Variants in EPM2A observed in about 807,000 individuals in gnomAD.
EPM2A encodes the protein laforin.
Under a neutral mutation model 26.5 loss-of-function variants are expected in EPM2A, and 21 were observed. The observed-to-expected ratio is 0.79, with a 90% CI of 0.56 to 1.14. EPM2A has a LOEUF of 1.14. EPM2A is among the 50% of genes most tolerant of loss of function. The pLI, the probability that EPM2A is intolerant of heterozygous loss-of-function variation, is 0.00. For synonymous variants in EPM2A, 217 were observed against 177.6 expected, an observed-to-expected ratio of 1.22 and a Z score of -1.76; for missense variants, 458 against 440.8, an observed-to-expected ratio of 1.04 and a Z score of -0.35.
At chr6:145,685,825 T>C (rs1384503722) in intron 2 of EPM2A, among the ~76,000 whole-genome samples, 3 of 152,220 alleles carry the variant, frequency 2.0e-5, no homozygotes, top group Admixed American at 2.0e-4. Flanking sequence ...TCTATTTTAG[T>C]GTAGTTCTTA....
chr6:145,481,363 C>A (rs1038722912), intron 4 of EPM2A, among the ~76,000 whole-genome samples: 5 of 151,988 alleles, frequency 3.3e-5, no homozygotes, highest in Non-Finnish European at 5.9e-5. Flanking sequence ...ATTTATTCTG[C>A]CATACTGCCA....
chr6:145,517,492 AG>A (rs1489852802), intron 2 of EPM2A, among the ~76,000 whole-genome samples: 6 of 152,136 alleles, frequency 3.9e-5, no homozygotes, highest in African/African-American at 1.4e-4. Context: ...TTATAAACAG[AG>A]TTGCTCAGAT....
chr6:145,574,319 G>A (rs1040857908), intron 2 of EPM2A, among the ~76,000 whole-genome samples: 3 of 152,236 alleles, frequency 2.0e-5, no homozygotes, highest in African/African-American at 7.2e-5. Flanking sequence ...AGCTCTACAT[G>A]AGTCAGACTA....
At chr6:145,680,854 G>A (rs200463992) in intron 2 of EPM2A, among the ~76,000 whole-genome samples, 6 of 151,842 alleles carry the variant, frequency 4.0e-5, no homozygotes, top group Non-Finnish European at 8.8e-5. Flanking sequence ...ATAAACATAC[G>A]TGTGCATGTG....
At chr6:145,388,537 T>C (rs1778293602) in intron 4 of EPM2A, among the ~76,000 whole-genome samples, 1 of 152,186 alleles carries the variant, frequency 6.6e-6, no homozygotes, top group African/African-American at 2.4e-5. Flanking sequence ...TATTATACTT[T>C]AAGTTCTGGG....
intron 1 of EPM2A, among the ~76,000 whole-genome samples, chr6:145,704,239 G>T (rs1378181324): frequency 6.6e-6 from 1 of 152,122 alleles, no homozygotes; most frequent in Admixed American, 6.6e-5. Context: ...GAGAGAAAGG[G>T]AGTGCATGGG....
chr6:145,434,463 A>T (rs557338669), intron 4 of EPM2A, among the ~76,000 whole-genome samples: 1 of 152,124 alleles, frequency 6.6e-6, no homozygotes, highest in East Asian at 1.9e-4. Flanking sequence ...GGTTGTTTAA[A>T]AGTGTGTGGC....
At chr6:145,445,660 G>A (rs1232960821) in intron 4 of EPM2A, among the ~76,000 whole-genome samples, 1 of 152,082 alleles carries the variant, frequency 6.6e-6, no homozygotes, top group East Asian at 1.9e-4. Flanking sequence ...GATTATGACA[G>A]TTCTGACCTT....
intron 4 of EPM2A, among the ~76,000 whole-genome samples, chr6:145,443,207 A>G (rs1019004036): frequency 6.6e-6 from 1 of 152,108 alleles, no homozygotes; most frequent in African/African-American, 2.4e-5. Context: ...TTCTTTGGCT[A>G]TTCAGTCTCT....
intron 2 of EPM2A, among the ~76,000 whole-genome samples, chr6:145,513,279 G>A (rs887494648): frequency 3.3e-5 from 5 of 151,904 alleles, no homozygotes; most frequent in Admixed American, 3.3e-4. Context: ...AGAAATATAA[G>A]TGGCCAACCA....
intron 2 of EPM2A, among the ~76,000 whole-genome samples, chr6:145,569,130 T>C (rs988628187): frequency 7.2e-5 from 11 of 152,242 alleles, no homozygotes; most frequent in African/African-American, 2.4e-4. Context: ...CACTATGGCA[T>C]GGACTCTGTC....
At chr6:145,417,814 CA>C (rs34139238) in intron 4 of EPM2A, among the ~76,000 whole-genome samples, 20,305 of 152,098 alleles carry the variant, frequency 0.13, 1,475 homozygotes, top group South Asian at 0.25. Flanking sequence ...CCCATGGTCA[CA>C]ACCTTCTAGG....
intron 4 of EPM2A, among the ~76,000 whole-genome samples, chr6:145,495,629 G>A (rs1056599462): frequency 6.6e-6 from 1 of 152,236 alleles, no homozygotes; most frequent in Non-Finnish European, 1.5e-5. Flanking sequence ...CCAGGCTGGA[G>A]TGCAATGACA....
At chr6:145,401,829 C>G (rs1052707142) in intron 4 of EPM2A, among the ~76,000 whole-genome samples, 3 of 152,004 alleles carry the variant, frequency 2.0e-5, no homozygotes, top group Non-Finnish European at 4.4e-5. Flanking sequence ...GTGGCTAAAT[C>G]TGGGATATTT....
At chr6:145,446,552 T>TCCAGCTGATGG (rs563268074) in intron 4 of EPM2A, among the ~76,000 whole-genome samples, 168 of 152,294 alleles carry the variant, frequency 1.1e-3, no homozygotes, top group Non-Finnish European at 2.1e-3. Context: ...ATTTCCTTGA[T>TCCAGCTGATGG]CCAGCTGATG....
At chr6:145,597,321 T>C (rs187157863) in intron 2 of EPM2A, among the ~76,000 whole-genome samples, 1 of 152,210 alleles carries the variant, frequency 6.6e-6, no homozygotes, top group Non-Finnish European at 1.5e-5. Context: ...ATTCTGAAAA[T>C]ATCTTCTTCT....
At chr6:145,432,435 C>T (rs1228639056) in intron 4 of EPM2A, among the ~76,000 whole-genome samples, 1 of 151,794 alleles carries the variant, frequency 6.6e-6, no homozygotes, top group Non-Finnish European at 1.5e-5. Context: ...ACATTAATTT[C>T]CTTTTACATT....
chr6:145,602,467 T>C (rs1414009503), intron 2 of EPM2A, among the ~76,000 whole-genome samples: 1 of 152,204 alleles, frequency 6.6e-6, no homozygotes, highest in Non-Finnish European at 1.5e-5. Flanking sequence ...ATCCTTGTTC[T>C]CCTCCATTAC....
intron 2 of EPM2A, among the ~76,000 whole-genome samples, chr6:145,577,239 T>A (rs1781043931): frequency 6.6e-6 from 1 of 151,896 alleles, no homozygotes; most frequent in Admixed American, 6.6e-5. Context: ...ATAGAATGTC[T>A]GAGTGGATAA....
Sources: gnomAD v4.1 joint callset for allele counts (sites outside exome capture counted in the v4.1 genomes callset) on GRCh38, gnomAD v4.1.1 for gene constraint, MANE v1.5 for transcripts, NCBI Gene and HGNC (gene_info 2026-07-23, HGNC 2026-07-21) for gene names.